HYAL4: variants seen among roughly 807,000 people sequenced by gnomAD.
The protein encoded by HYAL4 is hyaluronidase 4.
In HYAL4, 37 loss-of-function variants were observed where a neutral mutation model predicts 35.2. The observed-to-expected ratio is 1.05, with a 90% CI of 0.81 to 1.38. HYAL4 has a LOEUF of 1.38. HYAL4 is among the 40% of genes most tolerant of loss of function. The pLI, the probability that HYAL4 is intolerant of heterozygous loss-of-function variation, is 0.00. For synonymous variants in HYAL4, 198 were observed against 203.2 expected, an observed-to-expected ratio of 0.97 and a Z score of 0.22; for missense variants, 572 against 572.4, an observed-to-expected ratio of 1.00 and a Z score of 0.01.
At chr7:123,766,102 A>G in the HYAL4 span, among the ~76,000 whole-genome samples, 3 of 152,062 alleles carry the variant, frequency 2.0e-5, no homozygotes, top group South Asian at 2.1e-4. Flanking sequence ...TCCCATTCCT[A>G]TTCCTATAAT....
In HYAL4 at chr7:123,868,737, G is replaced by A. The variant is rs1806777640; in HGVS notation, c.464G>A (p.Arg155Gln). 6.8e-6 allele frequency: 11 copies of A among 1,613,992 alleles called. No homozygotes were observed. The highest frequency in any genetic ancestry group is 3.3e-5 in the South Asian group (3 of 91,042). The change falls in exon 3 of 5, where the codon CGG (arginine) becomes CAG (glutamine). Residue 155 changes from arginine to glutamine, a missense_variant. Coordinates refer to ENST00000223026, the MANE Select transcript of HYAL4 (RefSeq NM_012269.3). ...DWEYWRPQWA[R>Q]NWNSKDVYRQ... Reference sequence around the variant, plus strand: ...GAATATTGGCGACCACAGTGGGCCCGGAACTGGAACTCAAAAGATGTTTAC... The same window carrying A: ...GAATATTGGCGACCACAGTGGGCCCAGAACTGGAACTCAAAAGATGTTTAC...
chr7:123,809,440 G>A, the HYAL4 span, among the ~76,000 whole-genome samples: 1 of 142,870 alleles, frequency 7.0e-6, no homozygotes, highest in Non-Finnish European at 1.5e-5. Context: ...CCGTTGCCCA[G>A]GCTGGAGTGC....
At chr7:123,835,339 C>T (rs1446528622) in intron 1 of HYAL4, among the ~76,000 whole-genome samples, 1 of 152,042 alleles carries the variant, frequency 6.6e-6, no homozygotes, top group African/African-American at 2.4e-5. Context: ...ATTTATCCAT[C>T]TCCTTTAGGT....
At chr7:123,839,455 G>A (rs934559197) in intron 1 of HYAL4, among the ~76,000 whole-genome samples, 10 of 152,170 alleles carry the variant, frequency 6.6e-5, no homozygotes, top group African/African-American at 2.4e-4. Flanking sequence ...ATGTATGCAT[G>A]TGTCTTTATA....
chr7:123,828,279 C>T (rs547177104), upstream of HYAL4, among the ~76,000 whole-genome samples: 2 of 151,880 alleles, frequency 1.3e-5, no homozygotes, highest in African/African-American at 4.8e-5. Context: ...AAATACTGAC[C>T]AGCAATTAAA....
chr7:123,849,272 TCTCTCTCTCTCTCC>T (rs1203570052), intron 2 of HYAL4, among the ~76,000 whole-genome samples: 2 of 151,896 alleles, frequency 1.3e-5, no homozygotes, highest in African/African-American at 2.4e-5. Context: ...ACAGTCTCTC[TCTCTCTCTCTCTCC>T]CTCTCTCTCT....
the HYAL4 span, among the ~76,000 whole-genome samples, chr7:123,776,528 C>T: frequency 6.6e-6 from 1 of 152,136 alleles, no homozygotes; most frequent in Non-Finnish European, 1.5e-5. Flanking sequence ...ATCCTTCTGC[C>T]TCAGTTTCCC....
chr7:123,874,866 G>C lies in HYAL4; in HGVS notation c.1044+16G>C, dbSNP rs1428073238. 2.2e-6 allele frequency: 3 copies of C among 1,379,332 alleles called. No homozygotes were observed. The highest frequency in any genetic ancestry group is 2.8e-5 in the African/African-American group (2 of 70,558). 85.4% of individuals were successfully genotyped at this position (1,379,332 alleles called of 1,614,324 possible). ...TGCATCCAAGGTAAGTCAGTATCTT[G>C]AAGGTATATTTAATGTTTTCTATTA... On this transcript the variant is annotated intron_variant, in intron 4 of 4. Coordinates refer to ENST00000223026, the MANE Select transcript of HYAL4 (RefSeq NM_012269.3).
rs534143460 is a variant in HYAL4, at chr7:123,851,556, C to T, written c.-52+3398C>T. Among the ~76,000 whole-genome samples the T allele has an allele frequency of 7.2e-5, 11 of 152,102 alleles. No individual in the cohort carries two copies. The South Asian group carries it at 1.5e-3, about 20-fold the overall frequency. On this transcript the variant is annotated intron_variant, in intron 2 of 4. Transcript: ENST00000223026. ...TGGTTTCTAGCTTCATTCATGTCCC[C>T]GCAAAGGACATGAACTCATTCTTTT...
At chr7:123,837,226 T>C (rs1198775622) in intron 1 of HYAL4, among the ~76,000 whole-genome samples, 3 of 152,174 alleles carry the variant, frequency 2.0e-5, no homozygotes, top group African/African-American at 7.2e-5. Flanking sequence ...GGGCTGAAGA[T>C]AGGACCCCAA....
the HYAL4 span, among the ~76,000 whole-genome samples, chr7:123,790,055 G>A: frequency 6.6e-6 from 1 of 152,136 alleles, no homozygotes; most frequent in African/African-American, 2.4e-5. Flanking sequence ...ATGCAATTTG[G>A]AGGCAGAATT....
At chr7:123,772,623 G>A in the HYAL4 span, among the ~76,000 whole-genome samples, 4 of 152,270 alleles carry the variant, frequency 2.6e-5, no homozygotes, top group South Asian at 2.1e-4. Flanking sequence ...AACTGAGACC[G>A]AAACTAGGAA....
chr7:123,763,795 C>T, the HYAL4 span, among the ~76,000 whole-genome samples: 5 of 152,240 alleles, frequency 3.3e-5, no homozygotes, highest in African/African-American at 1.2e-4. Context: ...TTCCTTCCAG[C>T]AGCTTCAGCC....
chr7:123,869,060 G>C lies in HYAL4; in HGVS notation c.787G>C (p.Gly263Arg), dbSNP rs144679308. Residue 263 changes from glycine (G) to arginine (R), a missense_variant, in exon 3 of 5, where the codon GGT becomes CGT. Gly to Arg is a moderately radical substitution (Grantham distance 125). Coordinates refer to ENST00000223026, the MANE Select transcript of HYAL4 (RefSeq NM_012269.3). ...NSSAALYPSI[G>R]VWKSLGDSEN... Reference sequence around the variant, plus strand: ...CAGTGCTGCTTTATATCCTTCTATCGGTGTCTGGAAATCCCTTGGAGACAG... The same window carrying C: ...CAGTGCTGCTTTATATCCTTCTATCCGTGTCTGGAAATCCCTTGGAGACAG... The C allele has an allele frequency of 1.1e-5, 18 of 1,613,974 alleles. No homozygotes were observed. The highest frequency in any genetic ancestry group is 1.4e-5 in the Non-Finnish European group (17 of 1,180,020).
the HYAL4 span, among the ~76,000 whole-genome samples, chr7:123,818,941 A>G: frequency 6.6e-6 from 1 of 152,174 alleles, no homozygotes; most frequent in Non-Finnish European, 1.5e-5. Flanking sequence ...TATTTTAAGA[A>G]CATTTAATAT....
At chr7:123,876,229 A>G in intron 4 of HYAL4, 1 of 335,838 alleles carries the variant, frequency 3.0e-6, no homozygotes, top group South Asian at 2.3e-5. Flanking sequence ...AGGAAAATCC[A>G]GAAGGCTATA....
chr7:123,776,100 T>C, the HYAL4 span, among the ~76,000 whole-genome samples: 9 of 152,332 alleles, frequency 5.9e-5, no homozygotes, highest in African/African-American at 2.2e-4. Flanking sequence ...CTGCATAAAG[T>C]AAGATATCTT....
At chr7:123,808,606 C>T in the HYAL4 span, among the ~76,000 whole-genome samples, 1 of 152,184 alleles carries the variant, frequency 6.6e-6, no homozygotes, top group African/African-American at 2.4e-5. Flanking sequence ...TCTGACAGAT[C>T]TAGACAGAAA....
At chr7:123,846,459 T>A (rs1806175793) in intron 1 of HYAL4, among the ~76,000 whole-genome samples, 1 of 151,944 alleles carries the variant, frequency 6.6e-6, no homozygotes, top group South Asian at 2.1e-4. Context: ...CACCCAGCTC[T>A]CATACAACCC....
Sources: gnomAD v4.1 joint callset for allele counts (sites outside exome capture counted in the v4.1 genomes callset) on GRCh38, gnomAD v4.1.1 for gene constraint, MANE v1.5 for transcripts, NCBI Gene and HGNC (gene_info 2026-07-23, HGNC 2026-07-21) for gene names.